PLA2G1B: variants seen among roughly 807,000 people sequenced by gnomAD.
PLA2G1B encodes phospholipase A2 group IB, also known as phospholipase A2.
PLA2G1B carries 12 observed loss-of-function variants against 12.5 expected under a neutral mutation model. The ratio of observed to expected loss-of-function variants is 0.96; its 90% CI spans 0.62 to 1.56. PLA2G1B has a LOEUF of 1.56. Ranked by LOEUF, PLA2G1B falls within the 40% of genes most tolerant of loss-of-function variation. The pLI is 0.00. For missense variants in PLA2G1B, 189 were observed against 186.7 expected, an observed-to-expected ratio of 1.01 and a Z score of -0.07; for synonymous variants, 81 against 73.4, an observed-to-expected ratio of 1.10 and a Z score of -0.53.
chr12:120,326,633 C>T (rs1178970331), intron 1 of PLA2G1B, among the ~76,000 whole-genome samples: 2 of 148,172 alleles, frequency 1.3e-5, no homozygotes. Flanking sequence ...AATCTCTAAC[C>T]TCATGGAGCT....
chr12:120,325,660 G>GGAGGGCAGCA (rs1873326698), intron 2 of PLA2G1B, among the ~76,000 whole-genome samples: 2 of 152,202 alleles, frequency 1.3e-5, no homozygotes. Flanking sequence ...TGTTTTGCAC[G>GGAGGGCAGCA]TCGGTCATTG....
At chr12:120,325,817 G>A (rs751195092) in intron 2 of PLA2G1B, 44 bp downstream of exon 2, 1 of 1,597,292 alleles carries the variant, frequency 6.3e-7, no homozygotes, top group East Asian at 2.2e-5. Flanking sequence ...GCCCCACCCC[G>A]CCCCCGGCAG....
intron 3 of PLA2G1B, 138 bp downstream of exon 3, chr12:120,324,796 T>C: frequency 1.2e-6 from 1 of 820,352 alleles, no homozygotes. Flanking sequence ...TATCCCATAG[T>C]GTTGTTCTGA....
intron 3 of PLA2G1B, among the ~76,000 whole-genome samples, chr12:120,324,687 A>C (rs534637601): frequency 1.1e-4 from 17 of 152,136 alleles, no homozygotes; most frequent in South Asian, 8.3e-4. Flanking sequence ...ACAAAAAAAA[A>C]CCCAAACTGT....
Position 120,324,934 on chromosome 12 carries a change from T to C in PLA2G1B, c.322A>G (p.Ser108Gly). The C allele has an allele frequency of 1.2e-6, 2 of 1,614,080 alleles. No individual in the cohort carries two copies. The highest frequency in any genetic ancestry group is 2.2e-5 in the South Asian group (2 of 91,092). The change falls in exon 3 of 4, where the codon AGC becomes GGC. Residue 108 changes from serine to glycine, a missense_variant and splice_region_variant. Coordinates refer to ENST00000308366, the MANE Select transcript of PLA2G1B (RefSeq NM_000928.3). ...TAGGTCAAGGAAGGGATAAACCTACTGCTACAGGTGATTGCCGAGCCAGAG... is the reference window on the plus strand; with the variant it reads ...TAGGTCAAGGAAGGGATAAACCTACCGCTACAGGTGATTGCCGAGCCAGAG... ...SCSGSAITCS[S>G]KNKECEAFIC... is the part of the protein sequence containing the mutation.
intron 3 of PLA2G1B, among the ~76,000 whole-genome samples, 185 bp downstream of exon 3, chr12:120,324,749 T>C (rs1873303881): frequency 6.6e-6 from 1 of 152,144 alleles, no homozygotes; most frequent in Non-Finnish European, 1.5e-5. Context: ...CTTCTGAGCC[T>C]CAGTTTTCTT....
intron 3 of PLA2G1B, 152 bp from the exon 4 acceptor site, chr12:120,322,469 C>A: frequency 1.5e-6 from 1 of 674,220 alleles, no homozygotes; most frequent in Non-Finnish European, 2.5e-6. Flanking sequence ...CATCAGGATG[C>A]CCAGTTAAAT....
At chr12:120,326,157 A>C (rs1592909086) in intron 1 of PLA2G1B, 137 bp from the exon 2 acceptor site, 21 of 728,288 alleles carry the variant, frequency 2.9e-5, no homozygotes, top group South Asian at 6.4e-5. Context: ...GGACCCAGGA[A>C]CCTGGTAAAG....
intron 1 of PLA2G1B, among the ~76,000 whole-genome samples, chr12:120,326,737 G>A (rs559930484): frequency 1.3e-4 from 19 of 151,830 alleles, no homozygotes; most frequent in Non-Finnish European, 2.1e-4. Context: ...TTGGGAGGCC[G>A]AGGCAGGCGG....
At chr12:120,327,635 G>A (rs1873376376) in intron 1 of PLA2G1B, 85 bp downstream of exon 1, 2 of 1,315,000 alleles carry the variant, frequency 1.5e-6, no homozygotes, top group African/African-American at 2.9e-5. Flanking sequence ...CCTGTTTGCT[G>A]TGGCCTGTGG....
intron 1 of PLA2G1B, among the ~76,000 whole-genome samples, chr12:120,326,283 T>C (rs574270359): frequency 1.8e-4 from 27 of 149,426 alleles, no homozygotes; most frequent in Admixed American, 7.4e-4. Context: ...CTTCTTCTTC[T>C]TCTGGGACCC....
chr12:120,326,267 T>TTTCTTC (rs1216536277), intron 1 of PLA2G1B, among the ~76,000 whole-genome samples: 2 of 149,066 alleles, frequency 1.3e-5, no homozygotes, highest in Admixed American at 6.7e-5. Context: ...TCTTCTTCTT[T>TTTCTTC]TTCTTCTTCT....
chr12:120,326,877 G>A (rs979616288), intron 1 of PLA2G1B, among the ~76,000 whole-genome samples: 6 of 151,724 alleles, frequency 4.0e-5, no homozygotes, highest in Non-Finnish European at 7.4e-5. Flanking sequence ...AGGCTGAGGC[G>A]GGAGAATGGC....
intron 1 of PLA2G1B, among the ~76,000 whole-genome samples, chr12:120,327,519 A>C (rs1406705348): frequency 6.6e-6 from 1 of 152,256 alleles, no homozygotes; most frequent in East Asian, 1.9e-4. Context: ...AGGCAATCTG[A>C]GTTCAGACTT....
chr12:120,325,937 G>A lies in PLA2G1B; in HGVS notation c.118C>T (p.Pro40Ser), dbSNP rs778055453. 12 of 1,614,062 alleles carry A rather than the reference G, an allele frequency of 7.4e-6. No homozygotes were observed. The South Asian group carries it at 1.3e-4, about 18-fold the overall frequency. Reference sequence around the variant, plus strand: ...CCGTAGTTGTTGTATTCCAAGAAGGGGTCACTCCCCGGGATCACGCACTTG... The same window carrying A: ...CCGTAGTTGTTGTATTCCAAGAAGGAGTCACTCCCCGGGATCACGCACTTG... ...MIKCVIPGSD[P>S]FLEYNNYGCY... Residue 40 changes from proline to serine, a missense_variant, in exon 2 of 4, where the codon CCC (proline) becomes TCC (serine). By Grantham distance (74) the Pro-to-Ser change is moderately conservative. Coordinates refer to ENST00000308366, the MANE Select transcript of PLA2G1B (RefSeq NM_000928.3).
intron 2 of PLA2G1B, among the ~76,000 whole-genome samples, chr12:120,325,506 C>T (rs967238928): frequency 7.9e-5 from 12 of 152,064 alleles, no homozygotes; most frequent in African/African-American, 2.9e-4. Context: ...GGCCTGAAAG[C>T]GATTTTTAAC....
chr12:120,325,066 A>G lies in PLA2G1B; in HGVS notation c.195-5T>C. 1 of 1,614,034 alleles carries G rather than the reference A, an allele frequency of 6.2e-7. No individual in the cohort carries two copies. Among genetic ancestry groups the G allele is most frequent in the Non-Finnish European group, 8.5e-7 (1 of 1,179,998 alleles). ...TTGTCATGTGTCTGGCAGCACCTGG[A>G]AAGTGGGAGGGACAGCTGAGATAGG... On this transcript the variant is annotated splice_region_variant and splice_polypyrimidine_tract_variant and intron_variant, in intron 2 of 3. Coordinates refer to ENST00000308366, the MANE Select transcript of PLA2G1B (RefSeq NM_000928.3).
chr12:120,325,162 G>T, intron 2 of PLA2G1B, 101 bp from the exon 3 acceptor site: 1 of 1,105,868 alleles, frequency 9.0e-7, no homozygotes, highest in Non-Finnish European at 1.4e-6. Context: ...ACTTCGCCAA[G>T]ATGCTTCAGG....
chr12:120,326,960 G>T (rs1873364048), intron 1 of PLA2G1B, among the ~76,000 whole-genome samples: 1 of 149,154 alleles, frequency 6.7e-6, no homozygotes. Context: ...GACAAAGCAA[G>T]ACTCTGTCTC....
Sources: gnomAD v4.1 joint callset for allele counts (sites outside exome capture counted in the v4.1 genomes callset) on GRCh38, gnomAD v4.1.1 for gene constraint, MANE v1.5 for transcripts, NCBI Gene and HGNC (gene_info 2026-07-23, HGNC 2026-07-21) for gene names.